CTNND2: variants seen among roughly 807,000 people sequenced by gnomAD.
CTNND2 encodes catenin delta 2, also known as catenin delta-2.
In CTNND2, 22 loss-of-function variants were observed where a neutral mutation model predicts 144.4. That is an observed-to-expected ratio of 0.15 (90% CI 0.11 to 0.22). CTNND2 has a LOEUF of 0.22. Ranked by LOEUF, CTNND2 falls within the 10% of genes least tolerant of loss-of-function variation. The pLI, the probability that CTNND2 is intolerant of heterozygous loss-of-function variation, is 1.00. For missense variants in CTNND2, 1,353 were observed against 1,618.8 expected (o/e 0.84, Z 2.82); for synonymous variants, 751 against 695.6 (o/e 1.08, Z -1.25).
intron 16 of CTNND2, among the ~76,000 whole-genome samples, chr5:11,037,471 A>G (rs192670638): frequency 6.6e-6 from 1 of 152,354 alleles, no homozygotes; most frequent in African/African-American, 2.4e-5. Flanking sequence ...ATCAGCTGAT[A>G]TCACCACCAC....
chr5:11,740,061 C>A (rs1302902541), intron 1 of CTNND2, among the ~76,000 whole-genome samples: 1 of 152,138 alleles, frequency 6.6e-6, no homozygotes, highest in Non-Finnish European at 1.5e-5. Context: ...AATGCAAGAA[C>A]ATTCCATGCT....
In CTNND2 at chr5:10,988,103, G is replaced by A. The variant is rs751623383; in HGVS notation, c.3343+8C>T. On this transcript the variant is annotated splice_region_variant and intron_variant, in intron 20 of 21. Coordinates refer to ENST00000304623, the MANE Select transcript of CTNND2 (RefSeq NM_001332.4). This position sits in a 1 kb window ranked among gnomAD's most constrained non-coding sequence, Gnocchi z 5.9. ...AGTTCCAGGAGGGGGCGCGCGAGGGGCGCTCACCTGTCATGGCATCTTTCC... is the reference window on the plus strand; with the variant it reads ...AGTTCCAGGAGGGGGCGCGCGAGGGACGCTCACCTGTCATGGCATCTTTCC... 2.5e-6 allele frequency: 4 copies of A among 1,614,054 alleles called. No individual in the cohort carries two copies. The East Asian group carries it at 8.9e-5, about 36-fold the overall frequency.
In CTNND2 at chr5:11,664,399, T is replaced by C. The variant is rs1273055883; in HGVS notation, c.174+67737A>G. Among the ~76,000 whole-genome samples, 6 of 152,152 alleles carry C rather than the reference T, an allele frequency of 3.9e-5. No individual in the cohort carries two copies. In the South Asian group the frequency reaches 1.2e-3, roughly 32 times the overall value. On this transcript the variant is annotated intron_variant, in intron 2 of 21. Transcript: ENST00000304623. ...CGAGGTCAGGAGATTGAGACCATCC[T>C]GGCCAACATGGTGAAACCCCATCGC... is the stretch of plus-strand genomic sequence containing the variant.
intron 1 of CTNND2, among the ~76,000 whole-genome samples, chr5:11,744,929 T>A (rs1788229333): frequency 6.6e-6 from 1 of 151,768 alleles, no homozygotes; most frequent in African/African-American, 2.4e-5. Context: ...AGACATGGGG[T>A]TTCACCATGT....
Position 11,176,092 on chromosome 5 carries a change from T to C in CTNND2, c.1976-16333A>G, listed in dbSNP as rs1349563871. The stretch of plus-strand genomic sequence containing the variant: ...AACACATAAGTTAAGCTACTAAAAG[T>C]TGCAGAGCTGTAGAGACGCTAAAGA... On this transcript the variant is annotated intron_variant, in intron 11 of 21. Coordinates refer to ENST00000304623, the MANE Select transcript of CTNND2 (RefSeq NM_001332.4). 4.6e-5 allele frequency among the ~76,000 whole-genome samples: 7 copies of C among 152,240 alleles called. No individual in the cohort carries two copies. The East Asian group carries it at 9.6e-4, about 21-fold the overall frequency.
chr5:11,236,817 A>C lies in CTNND2; in HGVS notation c.1635T>G (p.Phe545Leu). 1 of 1,614,124 alleles carries C rather than the reference A, an allele frequency of 6.2e-7. No homozygotes were observed. The highest frequency in any genetic ancestry group is 2.2e-5 in the East Asian group (1 of 44,876). ...IDSIQKDPRE[F>L]GWRDPELPEV... is the part of the protein sequence containing the mutation. The stretch of plus-strand genomic sequence containing the variant: ...CCGGCAGTTCCGGGTCTCTCCATCC[A>C]AATTCTCTGAACAAAAGGAAAGAAG... Residue 545 changes from phenylalanine to leucine, a missense_variant, in exon 10 of 22, where the codon TTT (phenylalanine) becomes TTG (leucine). This residue lies in a region of CTNND2 where 69 missense variants were observed against 120.3 expected (regional missense o/e 0.57). Transcript: ENST00000304623.
chr5:11,392,194 T>A (rs1170166864), intron 6 of CTNND2, among the ~76,000 whole-genome samples: 1 of 152,226 alleles, frequency 6.6e-6, no homozygotes, highest in Non-Finnish European at 1.5e-5. Context: ...CATGGTGACG[T>A]AGATTTTTGC....
chr5:11,342,354 G>T (rs535866200), intron 9 of CTNND2, among the ~76,000 whole-genome samples: 4 of 152,260 alleles, frequency 2.6e-5, no homozygotes, highest in African/African-American at 9.6e-5. Context: ...GTTTGAAACG[G>T]AACAAATCCA....
chr5:11,903,771 G>A lies in CTNND2; in HGVS notation c.37+46C>T, dbSNP rs745456115. 46 of 1,465,734 alleles carry A rather than the reference G, an allele frequency of 3.1e-5. No individual in the cohort carries two copies. The African/African-American group carries it at 4.9e-4, about 16-fold the overall frequency. 90.8% of individuals were successfully genotyped at this position (1,465,734 alleles called of 1,614,324 possible). On this transcript the variant is annotated intron_variant, in intron 1 of 21. Coordinates refer to ENST00000304623, the MANE Select transcript of CTNND2 (RefSeq NM_001332.4). The surrounding 1 kb of genome is among the most constrained non-coding windows in gnomAD (Gnocchi z 5.4). The stretch of plus-strand genomic sequence containing the variant: ...GCGGCAAGAGGAGGAGGACGGCGCC[G>A]GGAGGAGGCTGCGCCCGGCCCCGGC...
chr5:11,273,002 T>C (rs1261385312), intron 9 of CTNND2, among the ~76,000 whole-genome samples: 3 of 152,160 alleles, frequency 2.0e-5, no homozygotes, highest in Admixed American at 2.0e-4. Flanking sequence ...CTAGGCATTC[T>C]CACAAAAAAT....
chr5:11,702,492 C>G (rs1469336788), intron 2 of CTNND2, among the ~76,000 whole-genome samples: 2 of 152,118 alleles, frequency 1.3e-5, no homozygotes, highest in African/African-American at 2.4e-5. Flanking sequence ...ATTAGTTATT[C>G]CCCTTGATCA....
At chr5:11,115,041 G>A (rs1029025133) in intron 13 of CTNND2, among the ~76,000 whole-genome samples, 2 of 152,254 alleles carry the variant, frequency 1.3e-5, no homozygotes, top group Admixed American at 1.3e-4. Context: ...GCTCCAGCCA[G>A]TGGGAGGTGG....
At chr5:11,557,686 A>G (rs1340189704) in intron 3 of CTNND2, among the ~76,000 whole-genome samples, 2 of 152,204 alleles carry the variant, frequency 1.3e-5, no homozygotes, top group African/African-American at 4.8e-5. Context: ...ACCATGCTAT[A>G]TAAAATAACC....
At chr5:11,505,100 G>T (rs1394412544) in intron 3 of CTNND2, among the ~76,000 whole-genome samples, 1 of 151,666 alleles carries the variant, frequency 6.6e-6, no homozygotes, top group Non-Finnish European at 1.5e-5. Flanking sequence ...TAAAAGAGTT[G>T]GTGCTTTTAT....
At chr5:11,146,121 T>A (rs1757223279) in intron 12 of CTNND2, among the ~76,000 whole-genome samples, 1 of 145,748 alleles carries the variant, frequency 6.9e-6, no homozygotes. Context: ...ACAGTTCAGA[T>A]TTCCTCCTCT....
intron 1 of CTNND2, among the ~76,000 whole-genome samples, chr5:11,833,957 G>C (rs1794042484): frequency 6.6e-6 from 1 of 152,088 alleles, no homozygotes; most frequent in South Asian, 2.1e-4. Context: ...AATATATCCT[G>C]AAACAAAATT....
chr5:11,488,351 G>A (rs1397659239), intron 3 of CTNND2, among the ~76,000 whole-genome samples: 1 of 152,074 alleles, frequency 6.6e-6, no homozygotes, highest in East Asian at 1.9e-4. Flanking sequence ...ACCATGTCAT[G>A]TCATATCTCG....
intron 9 of CTNND2, among the ~76,000 whole-genome samples, chr5:11,313,862 G>T (rs1302730962): frequency 6.6e-6 from 1 of 152,148 alleles, no homozygotes; most frequent in Non-Finnish European, 1.5e-5. Context: ...TTAAGGGGAA[G>T]CAGGAACGTC....
At position 11,618,157 on chromosome 5, in the gene CTNND2, AT is replaced by A. The variant is rs552246090; in HGVS notation, c.175-53102del. 7.1e-4 allele frequency among the ~76,000 whole-genome samples: 107 copies of A among 151,660 alleles called. 1 individual carries two copies. Among genetic ancestry groups the A allele is most frequent in the Admixed American group, 2.7e-3 (41 of 15,202 alleles). On this transcript the variant is annotated intron_variant, in intron 2 of 21. Coordinates refer to ENST00000304623, the MANE Select transcript of CTNND2 (RefSeq NM_001332.4). ...TGTGTCATGATGTCCATTTCATGTC[AT>A]TTGAAAAATCTCAAAGGAAACTCTC...
Sources: allele counts gnomAD v4.1 joint callset (sites outside exome capture counted in the v4.1 genomes callset), GRCh38; gene constraint gnomAD v4.1.1; regional missense constraint gnomAD v4.1.1; non-coding constraint Gnocchi (gnomAD v3.1); transcripts MANE v1.5; gene names NCBI Gene and HGNC (gene_info 2026-07-23, HGNC 2026-07-21).